The following TECTA variants were observed in gnomAD, a reference collection of about 807,000 sequenced individuals.
TECTA encodes the protein alpha-tectorin.
Under a neutral mutation model 216.8 loss-of-function variants are expected in TECTA, and 128 were observed. The observed-to-expected ratio is 0.59, with a 90% CI of 0.51 to 0.68. TECTA has a LOEUF of 0.68. Ranked by LOEUF, TECTA falls within the 30% of genes least tolerant of loss-of-function variation. The pLI is 0.00. For synonymous variants in TECTA, 1,089 were observed against 1,117.1 expected (o/e 0.97, Z 0.50); for missense variants, 2,551 against 2,786.2 (o/e 0.92, Z 1.90).
In TECTA at chr11:121,102,562, T is replaced by C. The variant is rs1341587694; in HGVS notation, c.-1-103T>C. On this transcript the variant is annotated intron_variant, in intron 1 of 23. Coordinates refer to ENST00000392793, the MANE Select transcript of TECTA (RefSeq NM_005422.4). Reference sequence around the variant, plus strand: ...GATGTTGTTATGTGAATTTGTTCTATGACGGTTTTGATGGTCTTGGGATTA... The same window carrying C: ...GATGTTGTTATGTGAATTTGTTCTACGACGGTTTTGATGGTCTTGGGATTA... 4.6e-6 allele frequency: 4 copies of C among 866,776 alleles called. No homozygotes were observed. The East Asian group carries it at 7.3e-5, about 16-fold the overall frequency. The allele number at this position is 866,776 out of a possible 1,614,324, so 53.7% of individuals were successfully genotyped here.
intron 16 of TECTA, 45 bp from the exon 17 acceptor site, chr11:121,165,226 GGT>G: frequency 6.5e-7 from 1 of 1,530,466 alleles, no homozygotes. Context: ...ACCGCATGTA[GGT>G]GTGAAAATGA....
intron 10 of TECTA, 120 bp downstream of exon 10, chr11:121,130,331 G>A: frequency 2.7e-6 from 3 of 1,107,330 alleles, no homozygotes; most frequent in Non-Finnish European, 2.6e-6. Context: ...TAATTACTGT[G>A]TATACCTACC....
In TECTA at chr11:121,161,634, G is replaced by A. The variant is rs75029503; in HGVS notation, c.4977-441G>A. ...ACTTTCTTGTAATGTTTAGCTTTTG[G>A]CCCCTAATGGCTAAAGTGGAACTGG... On this transcript the variant is annotated intron_variant, in intron 15 of 23. Transcript: ENST00000392793. 3.6e-5 allele frequency among the ~76,000 whole-genome samples: 3 copies of A among 83,868 alleles called. No homozygotes were observed. The East Asian group carries it at 9.2e-4, about 26-fold the overall frequency. The allele number at this position is 83,868 out of a possible 152,430, so 55.0% of individuals were successfully genotyped here.
chr11:121,150,494 T>G (rs1267093661), intron 12 of TECTA, among the ~76,000 whole-genome samples: 1 of 152,186 alleles, frequency 6.6e-6, no homozygotes, highest in Non-Finnish European at 1.5e-5. Context: ...TTGACAAATT[T>G]CATTACATTA....
Position 121,157,996 on chromosome 11 carries a change from C to T in TECTA, c.4461C>T (p.Cys1487=), listed in dbSNP as rs1360086936. The T allele has an allele frequency of 3.1e-6, 5 of 1,613,060 alleles. No individual in the cohort carries two copies. The highest frequency in any genetic ancestry group is 1.7e-5 in the Admixed American group (1 of 59,990). The change falls in exon 14 of 24, where the codon TGC becomes TGT. Residue 1487 remains cysteine, a synonymous_variant. Coordinates refer to ENST00000392793, the MANE Select transcript of TECTA (RefSeq NM_005422.4). ...RGCFSTKTSY[C]LAAGGGVFRT... Reference sequence around the variant, plus strand: ...GCTTCAGCACCAAGACCTCCTACTGCCTGGCGGCCGGCGGCGGCGTCTTCC... The same window carrying T: ...GCTTCAGCACCAAGACCTCCTACTGTCTGGCGGCCGGCGGCGGCGTCTTCC...
In TECTA at chr11:121,125,877, G is replaced by A. The variant is rs1256748094; in HGVS notation, c.1774+5G>A. 7 of 1,605,260 alleles carry A rather than the reference G, an allele frequency of 4.4e-6. No homozygotes were observed. In the African/African-American group the frequency reaches 6.7e-5, roughly 15 times the overall value. On this transcript the variant is annotated splice_donor_5th_base_variant and intron_variant, in intron 8 of 23. Coordinates refer to ENST00000392793, the MANE Select transcript of TECTA (RefSeq NM_005422.4). ...GGCGAACCCAGACTGGGTGTGGTAA[G>A]CTGGCATCCCATCCCCATGACAGGT... is the stretch of plus-strand genomic sequence containing the variant.
At chr11:121,131,316 T>A (rs1946673109) in intron 10 of TECTA, among the ~76,000 whole-genome samples, 2 of 152,172 alleles carry the variant, frequency 1.3e-5, no homozygotes, top group Admixed American at 1.3e-4. Flanking sequence ...AATTTTAGAC[T>A]TACAGAAAAG....
At chr11:121,146,795 A>G (rs555470768) in intron 12 of TECTA, among the ~76,000 whole-genome samples, 2 of 152,366 alleles carry the variant, frequency 1.3e-5, no homozygotes, top group East Asian at 3.9e-4. Context: ...CACTCTGTGC[A>G]TGCTAAGCGG....
At position 121,190,729 on chromosome 11, in the gene TECTA, C is replaced by G; in HGVS notation, c.6391C>G (p.Gln2131Glu). ...CRASNSSMEL[Q>E]VWTLLLIMIQ... ...AGCCTCTAATTCTTCAATGGAACTT[C>G]AAGTCTGGACGCTTCTTCTCATCAT... Residue 2131 changes from glutamine (Q) to glutamate (E), a missense_variant, in exon 24 of 24, where the codon CAA becomes GAA. Gln to Glu is a conservative substitution (Grantham distance 29). Coordinates refer to ENST00000392793, the MANE Select transcript of TECTA (RefSeq NM_005422.4). 1.2e-6 allele frequency: 2 copies of G among 1,613,854 alleles called. No homozygotes were observed. The highest frequency in any genetic ancestry group is 1.7e-6 in the Non-Finnish European group (2 of 1,179,844).
At chr11:121,148,005 T>C (rs1946855764) in intron 12 of TECTA, among the ~76,000 whole-genome samples, 1 of 152,184 alleles carries the variant, frequency 6.6e-6, no homozygotes. Context: ...ACTACAAAGC[T>C]TGGCTAGGGA....
At chr11:121,126,359 A>G (rs1419795529) in intron 8 of TECTA, among the ~76,000 whole-genome samples, 1 of 152,234 alleles carries the variant, frequency 6.6e-6, no homozygotes, top group East Asian at 1.9e-4. Context: ...GCAGATGAGG[A>G]GTACAGCATA....
chr11:121,148,568 A>G (rs1374813974), intron 12 of TECTA, among the ~76,000 whole-genome samples: 1 of 152,104 alleles, frequency 6.6e-6, no homozygotes, highest in Non-Finnish European at 1.5e-5. Flanking sequence ...TTGTAACTGT[A>G]TCTGATGTGA....
intron 20 of TECTA, among the ~76,000 whole-genome samples, chr11:121,170,874 A>G (rs745918000): frequency 1.4e-4 from 21 of 152,178 alleles, no homozygotes; most frequent in Admixed American, 4.6e-4. Context: ...CTTTTATTCA[A>G]CAGGTTGTCT....
chr11:121,174,313 T>C (rs1176378218), intron 20 of TECTA, among the ~76,000 whole-genome samples: 1 of 151,128 alleles, frequency 6.6e-6, no homozygotes, highest in East Asian at 1.9e-4. Flanking sequence ...TTCAGTATGA[T>C]ATTGGCTGTG....
At chr11:121,124,118 A>G (rs1040394457) in intron 7 of TECTA, among the ~76,000 whole-genome samples, 4 of 152,190 alleles carry the variant, frequency 2.6e-5, no homozygotes, top group African/African-American at 9.7e-5. Flanking sequence ...TTCTGCATTA[A>G]CACTCATCTG....
chr11:121,123,353 C>G (rs889715539), intron 7 of TECTA, among the ~76,000 whole-genome samples: 1 of 152,158 alleles, frequency 6.6e-6, no homozygotes, highest in African/African-American at 2.4e-5. Context: ...CTTGATTATT[C>G]CCTCATTTCT....
chr11:121,183,876 G>A (rs1250536487), intron 20 of TECTA, among the ~76,000 whole-genome samples: 4 of 152,214 alleles, frequency 2.6e-5, no homozygotes, highest in East Asian at 1.9e-4. Context: ...CAGTCTCAAC[G>A]TCCTGGGCTC....
At chr11:121,162,458 G>T (rs1457278023) in intron 16 of TECTA, 88 bp downstream of exon 16, 4 of 1,454,926 alleles carry the variant, frequency 2.7e-6, no homozygotes, top group African/African-American at 2.8e-5. Context: ...GGGATGACTG[G>T]TCCTCTCCAG....
rs1946523054 is a variant in TECTA at position 121,118,541 on chromosome 11, C to T, written c.1026C>T (p.Gly342=). 2 of 1,614,074 alleles carry T rather than the reference C, an allele frequency of 1.2e-6. No homozygotes were observed. Among genetic ancestry groups the T allele is most frequent in the African/African-American group, 2.7e-5 (2 of 74,930 alleles). ...TFDGFLFHFQ[G]SCAYLLARQC... is the part of the protein sequence containing the mutation. ...ACGGCTTCCTCTTCCACTTCCAAGG[C>T]TCCTGTGCCTACTTGCTGGCCCGAC... Residue 342 remains glycine, a synonymous_variant, in exon 7 of 24, where the codon GGC becomes GGT. Transcript: ENST00000392793.
Sources: gnomAD v4.1 joint callset for allele counts (sites outside exome capture counted in the v4.1 genomes callset) on GRCh38, gnomAD v4.1.1 for gene constraint, MANE v1.5 for transcripts, NCBI Gene and HGNC (gene_info 2026-07-23, HGNC 2026-07-21) for gene names.